Variants in TMEM71 observed in about 807,000 individuals in gnomAD.
TMEM71 encodes transmembrane protein 71.
TMEM71 carries 44 observed loss-of-function variants against 38.0 expected under a neutral mutation model. The observed-to-expected ratio is 1.16, with a 90% CI of 0.91 to 1.49. TMEM71 has a LOEUF of 1.49. Ranked by LOEUF, TMEM71 falls within the 40% of genes most tolerant of loss-of-function variation. The pLI is 0.00. For missense variants in TMEM71, 367 were observed against 348.6 expected (o/e 1.05, Z -0.42); for synonymous variants, 133 against 122.5 (o/e 1.09, Z -0.56).
At chr8:132,733,989 C>A (rs200934363) in intron 5 of TMEM71, among the ~76,000 whole-genome samples, 1 of 151,820 alleles carries the variant, frequency 6.6e-6, no homozygotes, top group Non-Finnish European at 1.5e-5. Flanking sequence ...ATAGTGGCTG[C>A]CAGGGGATAG....
At chr8:132,772,211 C>A in the TMEM71 span, among the ~76,000 whole-genome samples, 1 of 152,024 alleles carries the variant, frequency 6.6e-6, no homozygotes, top group Non-Finnish European at 1.5e-5. Flanking sequence ...GTTAAATATT[C>A]CAGGAGACAT....
At position 132,723,945 on chromosome 8, in the gene TMEM71, C is replaced by T. The variant is rs532769135; in HGVS notation, c.677-1830G>A. Among the ~76,000 whole-genome samples, 12 of 152,184 alleles carry T rather than the reference C, an allele frequency of 7.9e-5. No homozygotes were observed. The South Asian group carries it at 1.9e-3, about 24-fold the overall frequency. On this transcript the variant is annotated intron_variant, in intron 6 of 9. Coordinates refer to ENST00000677595, the MANE Select transcript of TMEM71 (RefSeq NM_001382403.1). ...GAGAGGAATTTTACAGCTGGGCTGC[C>T]GGGGGTGACATCACATACTGGTAGG...
intron 5 of TMEM71, among the ~76,000 whole-genome samples, chr8:132,729,749 A>G (rs1036649060): frequency 6.6e-6 from 1 of 152,144 alleles, no homozygotes; most frequent in African/African-American, 2.4e-5. Flanking sequence ...GGACAGAAAA[A>G]AGGCCTTGGT....
intron 7 of TMEM71, 31 bp from the exon 8 acceptor site, chr8:132,714,246 T>A: frequency 6.5e-7 from 1 of 1,547,922 alleles, no homozygotes; most frequent in Non-Finnish European, 8.9e-7. Flanking sequence ...TGATTTAGCA[T>A]ACTAATTGTG....
rs1828310762 is a variant in TMEM71, at chr8:132,745,855, T to G, written c.487+1087A>C. Among the ~76,000 whole-genome samples the G allele has an allele frequency of 2.0e-5, 3 of 151,968 alleles. No homozygotes were observed. The South Asian group carries it at 6.2e-4, about 32-fold the overall frequency. ...ACAGCCATTAAAAATAATGAAATCA[T>G]GCCCTTTGCAGCAACATGGCTGCAG... On this transcript the variant is annotated intron_variant, in intron 5 of 9. Transcript: ENST00000677595.
chr8:132,746,430 T>TATATATATAC (rs1282614814), intron 5 of TMEM71, among the ~76,000 whole-genome samples: 236 of 141,536 alleles, frequency 1.7e-3, no homozygotes, highest in Middle Eastern at 7.2e-3. Context: ...TATATATACA[T>TATATATATAC]ATATATATAC....
chr8:132,763,964 C>T (rs904033490), upstream of TMEM71, among the ~76,000 whole-genome samples: 6 of 152,194 alleles, frequency 3.9e-5, no homozygotes, highest in African/African-American at 1.4e-4. Flanking sequence ...TGCATGCTTC[C>T]TTAAATCCCT....
chr8:132,714,370 T>C (rs547663125), intron 7 of TMEM71, among the ~76,000 whole-genome samples, 155 bp from the exon 8 acceptor site: 40 of 152,280 alleles, frequency 2.6e-4, no homozygotes, highest in African/African-American at 9.6e-4. Flanking sequence ...GACATACAGA[T>C]CAATGAAAGA....
chr8:132,752,266 C>A (rs1828757801), intron 3 of TMEM71, among the ~76,000 whole-genome samples: 1 of 152,160 alleles, frequency 6.6e-6, no homozygotes, highest in Non-Finnish European at 1.5e-5. Flanking sequence ...ATATGGTTAA[C>A]CTACGTTTGA....
chr8:132,759,897 G>A (rs887177061), intron 1 of TMEM71, among the ~76,000 whole-genome samples: 6 of 152,106 alleles, frequency 3.9e-5, no homozygotes, highest in African/African-American at 7.2e-5. Flanking sequence ...GCCTTCCTTG[G>A]AAGATTTCTA....
chr8:132,707,675 A>G (rs1397408866), downstream of TMEM71, among the ~76,000 whole-genome samples: 2 of 152,198 alleles, frequency 1.3e-5, no homozygotes, highest in African/African-American at 4.8e-5. Flanking sequence ...TGGGTTTCAC[A>G]GCTGCCAGAA....
Position 132,714,140 on chromosome 8 carries a change from A to G in TMEM71, c.814+14T>C. ...ACAGGCATCATTGCAGTAATCTGGG[A>G]AACAGTTACTTACAAGCTACAGTTA... is the stretch of plus-strand genomic sequence containing the variant. On this transcript the variant is annotated intron_variant, in intron 8 of 9. Transcript: ENST00000677595. 1 of 1,611,440 alleles carries G rather than the reference A, an allele frequency of 6.2e-7. No individual in the cohort carries two copies. The highest frequency in any genetic ancestry group is 8.5e-7 in the Non-Finnish European group (1 of 1,177,648).
At chr8:132,722,300 C>T (rs1426266734) in intron 6 of TMEM71, among the ~76,000 whole-genome samples, 185 bp from the exon 7 acceptor site, 1 of 151,906 alleles carries the variant, frequency 6.6e-6, no homozygotes, top group Non-Finnish European at 1.5e-5. Flanking sequence ...ACAGGGCTGT[C>T]ATTAGAAAAT....
chr8:132,740,957 A>G (rs567986934), intron 5 of TMEM71, among the ~76,000 whole-genome samples: 6 of 152,322 alleles, frequency 3.9e-5, no homozygotes, highest in South Asian at 4.1e-4. Context: ...AATGATGACA[A>G]CGCCACATTT....
rs556188281 is a variant in TMEM71, at chr8:132,741,631, C to T, written c.487+5311G>A. ...GAGACAGAGGTGACAAAGAGAAAGA[C>T]AGCTTATGCCATTATTTCTGCATAT... On this transcript the variant is annotated intron_variant, in intron 5 of 9. Transcript: ENST00000677595. Among the ~76,000 whole-genome samples the T allele has an allele frequency of 3.1e-4, 47 of 151,944 alleles. 1 individual carries two copies. Among genetic ancestry groups the T allele is most frequent in the Non-Finnish European group, 4.9e-4 (33 of 67,914 alleles).
chr8:132,719,991 A>C (rs1428875878), intron 7 of TMEM71, among the ~76,000 whole-genome samples: 1 of 152,046 alleles, frequency 6.6e-6, no homozygotes, highest in Non-Finnish European at 1.5e-5. Flanking sequence ...TGACCTTGAC[A>C]GTTTTGGAAA....
At chr8:132,755,196 C>T (rs983669605) in intron 3 of TMEM71, among the ~76,000 whole-genome samples, 3 of 152,124 alleles carry the variant, frequency 2.0e-5, no homozygotes, top group African/African-American at 7.2e-5. Context: ...CTGTAGCCTC[C>T]CTAATCCCCT....
intron 7 of TMEM71, among the ~76,000 whole-genome samples, chr8:132,716,874 AATTT>A (rs1302372392): frequency 6.6e-6 from 1 of 152,152 alleles, no homozygotes; most frequent in African/African-American, 2.4e-5. Flanking sequence ...CTGTGGTGTG[AATTT>A]ATTTATTCAG....
chr8:132,713,182 T>C, intron 9 of TMEM71, among the ~76,000 whole-genome samples: 1 of 124,094 alleles, frequency 8.1e-6, no homozygotes, highest in African/African-American at 5.6e-5. Context: ...TAAGGATTTC[T>C]TGAGCTACCC....
Sources: allele counts gnomAD v4.1 joint callset (sites outside exome capture counted in the v4.1 genomes callset), GRCh38; gene constraint gnomAD v4.1.1; transcripts MANE v1.5; gene names NCBI Gene and HGNC (gene_info 2026-07-23, HGNC 2026-07-21).